The following KCNJ1 variants were observed in gnomAD, a reference collection of about 807,000 sequenced individuals.
KCNJ1 encodes the protein potassium inwardly rectifying channel subfamily J member 1, also known as ATP-sensitive inward rectifier potassium channel 1.
Under a neutral mutation model 21.9 loss-of-function variants are expected in KCNJ1, and 24 were observed. The observed-to-expected ratio is 1.10, with a 90% CI of 0.79 to 1.54. The LOEUF (loss-of-function observed/expected upper bound fraction) is 1.54, where lower values mean the gene tolerates loss of function less well. Among genes scored for constraint, KCNJ1 ranks in the 40% most tolerant of loss-of-function variants. The probability of loss-of-function intolerance (pLI) is 0.00; values close to 1 mark genes in which losing one functional copy is unlikely to be tolerated. For missense variants in KCNJ1, 457 were observed against 455.4 expected, an observed-to-expected ratio of 1.00 and a Z score of -0.03; for synonymous variants, 152 against 160.9, an observed-to-expected ratio of 0.94 and a Z score of 0.42.
Position 128,839,559 on chromosome 11 carries a change from TG to T in KCNJ1, c.684del (p.Asn229IlefsTer5). The T allele has an allele frequency of 1.2e-6, 2 of 1,614,190 alleles. No homozygotes were observed. Among genetic ancestry groups the T allele is most frequent in the African/African-American group, 1.3e-5 (1 of 75,048 alleles). ...CCAGCGTCAACTACAAAGTTGATAT[TG>T]ATCTGGTCCAAAATAATGGTCTCTC... Reference protein sequence around the residue: ...PEGETIILDQININFVVDAGN... With the variant: ...PEGETIILDQXNINFVVDAGN... On this transcript the variant is annotated frameshift_variant, in exon 3 of 3. Transcript: ENST00000392666. LOFTEE classifies it high-confidence loss of function.
At position 128,839,110 on chromosome 11, in the gene KCNJ1, G is replaced by A. The variant is rs780139179; in HGVS notation, c.*15C>T. 1.5e-5 allele frequency: 24 copies of A among 1,610,760 alleles called. No homozygotes were observed. The highest frequency in any genetic ancestry group is 1.7e-5 in the Non-Finnish European group (20 of 1,178,880). ...GCTTTAGAGACTTTGCTTTACTCCC[G>A]TTGAAAAGCCACTGTTACATTTTGG... On this transcript the variant is annotated 3_prime_UTR_variant, in exon 3 of 3. Coordinates refer to ENST00000392666, the MANE Select transcript of KCNJ1 (RefSeq NM_153766.3).
chr11:128,842,305 G>A, intron 2 of KCNJ1: 2 of 1,500,556 alleles, frequency 1.3e-6, no homozygotes, highest in South Asian at 1.1e-5. Flanking sequence ...ATAACGTTGA[G>A]TTTCCATGAC....
chr11:128,857,845 A>G (rs1232034667), intron 1 of KCNJ1, among the ~76,000 whole-genome samples: 1 of 152,202 alleles, frequency 6.6e-6, no homozygotes, highest in Non-Finnish European at 1.5e-5. Context: ...TTCTACAGTG[A>G]GTAATAGCAC....
intron 1 of KCNJ1, among the ~76,000 whole-genome samples, chr11:128,864,864 G>T (rs971592971): frequency 6.6e-6 from 1 of 152,048 alleles, no homozygotes; most frequent in African/African-American, 2.4e-5. Context: ...TTACCCGGCC[G>T]TGGTCTTACC....
At chr11:128,849,090 G>A (rs142402274) in intron 2 of KCNJ1, among the ~76,000 whole-genome samples, 8 of 152,270 alleles carry the variant, frequency 5.3e-5, no homozygotes, top group African/African-American at 1.7e-4. Context: ...TGTCATCCGA[G>A]GCACGGATAC....
At chr11:128,849,094 C>T (rs755535199) in intron 2 of KCNJ1, among the ~76,000 whole-genome samples, 12 of 152,112 alleles carry the variant, frequency 7.9e-5, no homozygotes, top group Admixed American at 2.0e-4. Flanking sequence ...ATCCGAGGCA[C>T]GGATACAAAA....
chr11:128,843,817 CTG>C (rs1328931820), intron 2 of KCNJ1, among the ~76,000 whole-genome samples: 1 of 152,200 alleles, frequency 6.6e-6, no homozygotes, highest in African/African-American at 2.4e-5. Context: ...CCAATGTTGA[CTG>C]TGTGTGCTGA....
intron 1 of KCNJ1, among the ~76,000 whole-genome samples, chr11:128,858,732 T>C (rs1342942743): frequency 6.6e-6 from 1 of 152,210 alleles, no homozygotes; most frequent in Non-Finnish European, 1.5e-5. Flanking sequence ...ACAGCATTAC[T>C]ATTCCCAGTG....
At chr11:128,854,096 T>A (rs55869892) in intron 1 of KCNJ1, among the ~76,000 whole-genome samples, 4 of 143,750 alleles carry the variant, frequency 2.8e-5, no homozygotes, top group African/African-American at 1.0e-4. Context: ...GAACGGTGTT[T>A]GGTTACGATC....
rs368293891 is a variant in KCNJ1 at position 128,838,777 on chromosome 11, G to A, written c.*348C>T. 1.2e-3 allele frequency: 304 copies of A among 252,642 alleles called. 6 individuals carry two copies. In the South Asian group the frequency reaches 0.017, roughly 14 times the overall value. The allele number at this position is 252,642 out of a possible 1,614,324, so 15.7% of individuals were successfully genotyped here. A position where few individuals can be genotyped will look rare whatever the true frequency, so the allele number is the denominator to read the frequency against. Reference sequence around the variant, plus strand: ...TTTCTAAAGTTCATAACTTCTTTAAGGAAACTTTAAAAAATATTTTGTTTG... The same window carrying A: ...TTTCTAAAGTTCATAACTTCTTTAAAGAAACTTTAAAAAATATTTTGTTTG... On this transcript the variant is annotated 3_prime_UTR_variant, in exon 3 of 3. Coordinates refer to ENST00000392666, the MANE Select transcript of KCNJ1 (RefSeq NM_153766.3).
At chr11:128,858,086 C>T (rs769985239) in intron 1 of KCNJ1, among the ~76,000 whole-genome samples, 8 of 149,050 alleles carry the variant, frequency 5.4e-5, no homozygotes, top group Non-Finnish European at 1.2e-4. Flanking sequence ...GCGAGAAGCT[C>T]CACGATGGCG....
intron 1 of KCNJ1, among the ~76,000 whole-genome samples, chr11:128,863,112 T>C (rs1041291796): frequency 1.3e-5 from 2 of 152,242 alleles, no homozygotes; most frequent in Non-Finnish European, 2.9e-5. Flanking sequence ...CTGAGAGAAC[T>C]TGGGCTGTTT....
intron 1 of KCNJ1, among the ~76,000 whole-genome samples, chr11:128,862,952 C>A (rs565243656): frequency 6.6e-6 from 1 of 152,216 alleles, no homozygotes; most frequent in Admixed American, 6.5e-5. Flanking sequence ...ACAGAGTCTT[C>A]TCCTGTGAAA....
chr11:128,855,160 G>C (rs942489924), intron 1 of KCNJ1, among the ~76,000 whole-genome samples: 1 of 152,204 alleles, frequency 6.6e-6, no homozygotes, highest in African/African-American at 2.4e-5. Context: ...ATTGTGAGCT[G>C]TTTACGGTTT....
chr11:128,852,867 C>A (rs1445221785), intron 1 of KCNJ1, among the ~76,000 whole-genome samples: 3 of 152,262 alleles, frequency 2.0e-5, no homozygotes, highest in Non-Finnish European at 4.4e-5. Flanking sequence ...GACCTTAGAG[C>A]CATGCCAAGG....
At chr11:128,843,098 G>C (rs1294933147) in intron 2 of KCNJ1, among the ~76,000 whole-genome samples, 1 of 152,188 alleles carries the variant, frequency 6.6e-6, no homozygotes, top group Admixed American at 6.5e-5. Flanking sequence ...CAATGCTATT[G>C]ATTTATTTGT....
At chr11:128,841,286 T>C (rs972224746) in intron 2 of KCNJ1, among the ~76,000 whole-genome samples, 11 of 152,266 alleles carry the variant, frequency 7.2e-5, no homozygotes, top group African/African-American at 2.7e-4. Context: ...TATTCATTCC[T>C]ATATCACAAT....
At chr11:128,853,824 T>G (rs1033356537) in intron 1 of KCNJ1, among the ~76,000 whole-genome samples, 2 of 152,322 alleles carry the variant, frequency 1.3e-5, no homozygotes, top group Non-Finnish European at 1.5e-5. Flanking sequence ...AGCAAGTGGT[T>G]ACTGTGCTCC....
chr11:128,855,011 T>G (rs1035282133), intron 1 of KCNJ1, among the ~76,000 whole-genome samples: 2 of 152,218 alleles, frequency 1.3e-5, no homozygotes, highest in Non-Finnish European at 2.9e-5. Context: ...ATTCCAGCTC[T>G]GCAGCTTACT....
Sources: gnomAD v4.1 joint callset for allele counts (sites outside exome capture counted in the v4.1 genomes callset) on GRCh38, gnomAD v4.1.1 for gene constraint, MANE v1.5 for transcripts, NCBI Gene and HGNC (gene_info 2026-07-23, HGNC 2026-07-21) for gene names.